The following API5 variants were observed in gnomAD, a reference collection of about 807,000 sequenced individuals.
API5 encodes apoptosis inhibitor 5.
Under a neutral mutation model 71.9 loss-of-function variants are expected in API5, and 6 were observed. The ratio of observed to expected loss-of-function variants is 0.08; its 90% CI spans 0.05 to 0.16. API5 has a LOEUF of 0.16. Ranked by LOEUF, API5 falls within the 10% of genes least tolerant of loss-of-function variation. The pLI, the probability that API5 is intolerant of heterozygous loss-of-function variation, is 1.00. For missense variants in API5, 332 were observed against 612.8 expected (o/e 0.54, Z 4.84); for synonymous variants, 189 against 221.3 (o/e 0.85, Z 1.30).
chr11:43,316,476 T>C (rs1235587137), intron 1 of API5, among the ~76,000 whole-genome samples: 1 of 152,132 alleles, frequency 6.6e-6, no homozygotes, highest in Non-Finnish European at 1.5e-5. Flanking sequence ...AAATTAGATT[T>C]GTGATACCCT....
At chr11:43,336,194 C>T (rs569598833) in intron 13 of API5, 200 bp downstream of exon 13, 36 of 600,116 alleles carry the variant, frequency 6.0e-5, no homozygotes, top group African/African-American at 5.8e-4. Flanking sequence ...CTGTATTGAA[C>T]ATGCAACATT....
At chr11:43,340,479 A>G (rs748711936) in intron 13 of API5, among the ~76,000 whole-genome samples, 8 of 152,330 alleles carry the variant, frequency 5.3e-5, no homozygotes, top group Non-Finnish European at 1.0e-4. Flanking sequence ...AGCCAAAGCA[A>G]TACTGAGCAA....
intron 2 of API5, among the ~76,000 whole-genome samples, chr11:43,319,369 T>A (rs1854785568): frequency 6.6e-6 from 1 of 152,236 alleles, no homozygotes; most frequent in Non-Finnish European, 1.5e-5. Flanking sequence ...TCTTGTCTTT[T>A]CAGATGAAAC....
chr11:43,321,940 A>G (rs1342116857), intron 4 of API5, 45 bp from the exon 5 acceptor site: 4 of 1,560,598 alleles, frequency 2.6e-6, no homozygotes, highest in Admixed American at 2.0e-5. Flanking sequence ...AAACACCATT[A>G]CACTATAGAA....
At chr11:43,328,056 T>C (rs1331306159) in intron 8 of API5, among the ~76,000 whole-genome samples, 178 bp downstream of exon 8, 1 of 152,210 alleles carries the variant, frequency 6.6e-6, no homozygotes, top group African/African-American at 2.4e-5. Context: ...ATCTTGGTGT[T>C]TCTTATAATT....
intron 5 of API5, 80 bp downstream of exon 5, chr11:43,322,216 T>C (rs1341226228): frequency 8.4e-6 from 11 of 1,316,718 alleles, no homozygotes; most frequent in East Asian, 7.2e-5. Flanking sequence ...GTCAATGTTA[T>C]GTGTGGCTTG....
intron 5 of API5, among the ~76,000 whole-genome samples, chr11:43,322,493 A>C (rs1227243670): frequency 6.6e-6 from 1 of 152,116 alleles, no homozygotes; most frequent in Admixed American, 6.5e-5. Flanking sequence ...TTATTTCAAA[A>C]TGAAACATCA....
At chr11:43,316,429 T>G (rs1458611001) in intron 1 of API5, among the ~76,000 whole-genome samples, 1 of 151,946 alleles carries the variant, frequency 6.6e-6, no homozygotes, top group African/African-American at 2.4e-5. Flanking sequence ...GTAAGGAGTT[T>G]CTTCAAATGG....
At chr11:43,338,272 T>C (rs1336717871) in intron 13 of API5, among the ~76,000 whole-genome samples, 1 of 152,202 alleles carries the variant, frequency 6.6e-6, no homozygotes, top group Admixed American at 6.5e-5. Flanking sequence ...TATCCAAGTT[T>C]ATTGCTTTAC....
intron 13 of API5, among the ~76,000 whole-genome samples, chr11:43,341,536 T>C (rs1196830895): frequency 6.6e-6 from 1 of 152,180 alleles, no homozygotes; most frequent in Non-Finnish European, 1.5e-5. Flanking sequence ...TTTTAAAAAG[T>C]TAATCTTATA....
intron 6 of API5, among the ~76,000 whole-genome samples, chr11:43,325,678 C>G (rs1170302384): frequency 2.0e-5 from 3 of 152,112 alleles, no homozygotes; most frequent in Non-Finnish European, 1.5e-5. Context: ...GATCAAGATC[C>G]TGAAGCATGT....
At chr11:43,339,775 C>T (rs981795673) in intron 13 of API5, among the ~76,000 whole-genome samples, 8 of 152,102 alleles carry the variant, frequency 5.3e-5, no homozygotes, top group Non-Finnish European at 1.2e-4. Flanking sequence ...GTGATCAAAA[C>T]AAAAATTGCA....
chr11:43,323,697 C>T (rs1854971622), intron 6 of API5, 61 bp downstream of exon 6: 1 of 1,488,078 alleles, frequency 6.7e-7, no homozygotes, highest in Non-Finnish European at 9.3e-7. Context: ...TAAATACTCA[C>T]TTTAACATTC....
intron 1 of API5, chr11:43,318,340 C>T (rs1854748441): frequency 7.7e-7 from 1 of 1,299,362 alleles, no homozygotes; most frequent in Admixed American, 2.3e-5. Context: ...GATACAGTCA[C>T]ATGGCCAGAG....
Position 43,314,473 on chromosome 11 carries a change from C to G in API5, c.69+2277C>G, listed in dbSNP as rs1005320246. 2.6e-5 allele frequency among the ~76,000 whole-genome samples: 4 copies of G among 152,180 alleles called. No homozygotes were observed. In the East Asian group the frequency reaches 7.7e-4, roughly 29 times the overall value. On this transcript the variant is annotated intron_variant, in intron 1 of 13. Transcript: ENST00000531273. ...ATGTCTTTCACAGCAAAAATCTACT[C>G]TTTATTTAGTAAGGGTACTTTAGAG...
At chr11:43,328,541 G>A (rs750835387) in intron 8 of API5, among the ~76,000 whole-genome samples, 171 bp from the exon 9 acceptor site, 11 of 152,148 alleles carry the variant, frequency 7.2e-5, no homozygotes, top group African/African-American at 1.9e-4. Context: ...AATATGGAGC[G>A]TTGACAGGCT....
chr11:43,318,495 T>C, intron 1 of API5, 145 bp from the exon 2 acceptor site: 2 of 1,540,082 alleles, frequency 1.3e-6, no homozygotes, highest in Non-Finnish European at 1.7e-6. Flanking sequence ...AAGTGTCAGT[T>C]TGAGCAGTAA....
chr11:43,334,626 T>G (rs554053685), intron 11 of API5, among the ~76,000 whole-genome samples: 1 of 152,304 alleles, frequency 6.6e-6, no homozygotes, highest in South Asian at 2.1e-4. Context: ...TATTCAGTTG[T>G]GAGGATATTA....
chr11:43,335,368 T>G lies in API5; in HGVS notation c.1355+14T>G, dbSNP rs1282106544. Reference sequence around the variant, plus strand: ...GGTTGAGATTGGGTAAGAAATATATTTAAAAGAGATTTAAGTGTTATCAAA... The same window carrying G: ...GGTTGAGATTGGGTAAGAAATATATGTAAAAGAGATTTAAGTGTTATCAAA... On this transcript the variant is annotated intron_variant, in intron 12 of 13. Coordinates refer to ENST00000531273, the MANE Select transcript of API5 (RefSeq NM_001142930.2). 2 of 1,502,304 alleles carry G rather than the reference T, an allele frequency of 1.3e-6. No homozygotes were observed. The highest frequency in any genetic ancestry group is 1.8e-6 in the Non-Finnish European group (2 of 1,084,976). 93.1% of individuals were successfully genotyped at this position (1,502,304 alleles called of 1,614,324 possible). A position where few individuals can be genotyped will look rare whatever the true frequency, so the allele number is the denominator to read the frequency against.
Sources: gnomAD v4.1 joint callset for allele counts (sites outside exome capture counted in the v4.1 genomes callset) on GRCh38, gnomAD v4.1.1 for gene constraint, MANE v1.5 for transcripts, NCBI Gene and HGNC (gene_info 2026-07-23, HGNC 2026-07-21) for gene names.